Variants in PRKCH observed in about 807,000 individuals in gnomAD.
PRKCH encodes the protein protein kinase C eta.
Under a neutral mutation model 82.5 loss-of-function variants are expected in PRKCH, and 28 were observed. The observed-to-expected ratio is 0.34, with a 90% confidence interval of 0.25 to 0.47. The LOEUF (loss-of-function observed/expected upper bound fraction) is 0.47. Among genes scored for constraint, PRKCH ranks in the 20% least tolerant of loss-of-function variants. The pLI, the probability that PRKCH is intolerant of heterozygous loss-of-function variation, is 1.00. For synonymous variants in PRKCH, 322 were observed against 327.4 expected (o/e 0.98, Z 0.18); for missense variants, 705 against 881.8 (o/e 0.80, Z 2.54).
chr14:61,482,206 A>G (rs1886009338), intron 9 of PRKCH, among the ~76,000 whole-genome samples: 1 of 152,166 alleles, frequency 6.6e-6, no homozygotes, highest in African/African-American at 2.4e-5. Context: ...CACGTTGCCC[A>G]GGCTGGTTTT....
rs566829200 is a variant in PRKCH at position 61,399,154 on chromosome 14, C to T, written c.427+7866C>T. 5.9e-5 allele frequency among the ~76,000 whole-genome samples: 9 copies of T among 152,166 alleles called. No homozygotes were observed. The East Asian group carries it at 9.6e-4, about 16-fold the overall frequency. ...GAGGAGATGGGATAGAATTGAAACC[C>T]GATTAGCCATGAGTTGTTTACTGAA... is the stretch of plus-strand genomic sequence containing the variant. On this transcript the variant is annotated intron_variant, in intron 2 of 13. Coordinates refer to ENST00000332981, the MANE Select transcript of PRKCH (RefSeq NM_006255.5).
intron 2 of PRKCH, among the ~76,000 whole-genome samples, chr14:61,412,551 C>T (rs1463757512): frequency 6.6e-6 from 1 of 152,132 alleles, no homozygotes; most frequent in East Asian, 1.9e-4. Flanking sequence ...TCAGTGATGC[C>T]CAGGGGTCAC....
chr14:61,263,249 A>G (rs547372464), intron 1 of PRKCH, among the ~76,000 whole-genome samples: 1 of 152,250 alleles, frequency 6.6e-6, no homozygotes, highest in South Asian at 2.1e-4. Flanking sequence ...TTTTTTGCAC[A>G]TGATTCTACT....
At chr14:61,472,918 C>T (rs1566902007) in intron 9 of PRKCH, among the ~76,000 whole-genome samples, 1 of 152,250 alleles carries the variant, frequency 6.6e-6, no homozygotes, top group East Asian at 1.9e-4. Context: ...GGGATGAAGA[C>T]ACAAGAACAA....
chr14:61,331,679 G>A (rs536887625), intron 1 of PRKCH, among the ~76,000 whole-genome samples: 3 of 152,152 alleles, frequency 2.0e-5, no homozygotes, highest in Non-Finnish European at 2.9e-5. Context: ...CCATTTCCCC[G>A]TTATATTGTG....
chr14:61,511,421 C>G (rs775472910), intron 10 of PRKCH, among the ~76,000 whole-genome samples: 8 of 152,132 alleles, frequency 5.3e-5, no homozygotes, highest in Non-Finnish European at 8.8e-5. Flanking sequence ...TGGCTCCAGC[C>G]AGCTAGGAGT....
chr14:61,290,224 G>A (rs1034670699), intron 1 of PRKCH, among the ~76,000 whole-genome samples: 3 of 150,920 alleles, frequency 2.0e-5, no homozygotes, highest in Non-Finnish European at 3.0e-5. Context: ...CCTGGGAGGC[G>A]GAGGTTGCAG....
intron 1 of PRKCH, among the ~76,000 whole-genome samples, chr14:61,193,695 A>G (rs1323684677): frequency 1.3e-5 from 2 of 152,194 alleles, no homozygotes; most frequent in African/African-American, 2.4e-5. Flanking sequence ...GTCAGGGGTC[A>G]TTTGTTTACA....
chr14:61,227,553 A>T (rs2044706911), intron 1 of PRKCH, among the ~76,000 whole-genome samples: 2 of 152,178 alleles, frequency 1.3e-5, no homozygotes, highest in Admixed American at 6.5e-5. Flanking sequence ...GAGATGCGCC[A>T]CTGCACTCCA....
intron 10 of PRKCH, among the ~76,000 whole-genome samples, chr14:61,524,175 A>G (rs77080813): frequency 6.6e-6 from 1 of 152,208 alleles, no homozygotes; most frequent in Non-Finnish European, 1.5e-5. Flanking sequence ...ACTCATGTCA[A>G]TCTGTTTTAT....
intron 1 of PRKCH, chr14:61,278,647 T>A (rs1351748053): frequency 6.6e-6 from 1 of 152,250 alleles, no homozygotes; most frequent in Non-Finnish European, 1.5e-5. Context: ...TGTTTGTTTT[T>A]ACCAAATAAA....
intron 10 of PRKCH, among the ~76,000 whole-genome samples, chr14:61,490,739 C>T (rs761762957): frequency 6.6e-6 from 1 of 152,086 alleles, no homozygotes. Flanking sequence ...CATAAGGAGA[C>T]CCTGTCTCTA....
intron 1 of PRKCH, among the ~76,000 whole-genome samples, chr14:61,351,059 T>C (rs1047723604): frequency 6.6e-6 from 1 of 152,232 alleles, no homozygotes; most frequent in African/African-American, 2.4e-5. Context: ...GGTACATGTA[T>C]TTTTAATCTA....
At chr14:61,529,864 C>T (rs1036946793) in intron 11 of PRKCH, among the ~76,000 whole-genome samples, 3 of 149,658 alleles carry the variant, frequency 2.0e-5, no homozygotes, top group Non-Finnish European at 4.4e-5. Context: ...ATGTAACTAA[C>T]CTGCACAATG....
chr14:61,194,366 T>C (rs2351802), intron 1 of PRKCH, among the ~76,000 whole-genome samples: 51,625 of 152,086 alleles, frequency 0.34, 9,356 homozygotes, highest in African/African-American at 0.45. Flanking sequence ...GAGATGGGAC[T>C]TTTGGGGGGC....
At chr14:61,367,582 C>G (rs1282728721) in intron 1 of PRKCH, among the ~76,000 whole-genome samples, 1 of 151,944 alleles carries the variant, frequency 6.6e-6, no homozygotes, top group Non-Finnish European at 1.5e-5. Flanking sequence ...ACTCTGGCCT[C>G]TGTTGGACGT....
intron 1 of PRKCH, among the ~76,000 whole-genome samples, chr14:61,313,595 A>C (rs2140111169): frequency 6.6e-6 from 1 of 152,258 alleles, no homozygotes; most frequent in Non-Finnish European, 1.5e-5. Context: ...GCTGTTGATA[A>C]AGACATACCC....
intron 1 of PRKCH, among the ~76,000 whole-genome samples, chr14:61,199,619 A>ATTT (rs10717220): frequency 3.0e-4 from 45 of 150,432 alleles, no homozygotes; most frequent in South Asian, 4.2e-4. Flanking sequence ...TTTTTGTTTC[A>ATTT]TTTTTTTTTT....
At chr14:61,285,807 C>G (rs572131177) in intron 1 of PRKCH, among the ~76,000 whole-genome samples, 1 of 152,268 alleles carries the variant, frequency 6.6e-6, no homozygotes, top group South Asian at 2.1e-4. Flanking sequence ...CCTGTTTCTT[C>G]AACCATGCTA....
Sources: gnomAD v4.1 joint callset for allele counts (sites outside exome capture counted in the v4.1 genomes callset) on GRCh38, gnomAD v4.1.1 for gene constraint, MANE v1.5 for transcripts, NCBI Gene and HGNC (gene_info 2026-07-23, HGNC 2026-07-21) for gene names.